Variants in LRRIQ3 observed in about 807,000 individuals in gnomAD.
The protein encoded by LRRIQ3 is leucine-rich repeat and IQ domain-containing protein 3.
A neutral mutation model predicts 59.3 loss-of-function variants in LRRIQ3; 75 were observed. The observed-to-expected ratio is 1.26, with a 90% CI of 1.05 to 1.53. The LOEUF (loss-of-function observed/expected upper bound fraction) is 1.53, where lower values mean the gene tolerates loss of function less well. LRRIQ3 is among the 40% of genes most tolerant of loss of function. LRRIQ3 has a pLI of 0.00. For missense variants in LRRIQ3, 831 were observed against 710.0 expected (o/e 1.17, Z -1.94); for synonymous variants, 250 against 231.3 (o/e 1.08, Z -0.73).
chr1:74,153,786 T>C lies in LRRIQ3; in HGVS notation c.707+1947A>G, dbSNP rs890480420. Among the ~76,000 whole-genome samples the C allele has an allele frequency of 9.9e-5, 15 of 152,034 alleles. No homozygotes were observed. In the South Asian group the frequency reaches 1.2e-3, roughly 13 times the overall value. On this transcript the variant is annotated intron_variant, in intron 4 of 7. Transcript: ENST00000354431. ...ATCCCAAACATTTGTCCTAAACAAA[T>C]AGAAAGCCACTGGAGGACTTTAACT...
intron 6 of LRRIQ3, among the ~76,000 whole-genome samples, chr1:74,043,379 T>A (rs886879612): frequency 2.0e-5 from 3 of 152,118 alleles, no homozygotes; most frequent in Non-Finnish European, 4.4e-5. Context: ...GGGCAGGGCT[T>A]GTAGTCTAGA....
intron 1 of LRRIQ3, among the ~76,000 whole-genome samples, chr1:74,184,505 G>A (rs769277387): frequency 6.6e-5 from 10 of 152,112 alleles, no homozygotes; most frequent in African/African-American, 1.9e-4. Flanking sequence ...TCTACGATGT[G>A]CAGATAAACT....
intron 6 of LRRIQ3, among the ~76,000 whole-genome samples, chr1:74,068,257 C>T (rs1654922427): frequency 6.6e-6 from 1 of 152,164 alleles, no homozygotes; most frequent in African/African-American, 2.4e-5. Flanking sequence ...ACCCTGTAAT[C>T]TCAACAGTTT....
At chr1:74,105,718 T>C (rs925179416) in intron 5 of LRRIQ3, among the ~76,000 whole-genome samples, 2 of 152,014 alleles carry the variant, frequency 1.3e-5, no homozygotes, top group East Asian at 1.9e-4. Context: ...GAGAATTGTA[T>C]ATGAGAACAT....
At chr1:74,044,787 C>G (rs1484593411) in intron 6 of LRRIQ3, among the ~76,000 whole-genome samples, 1 of 151,966 alleles carries the variant, frequency 6.6e-6, no homozygotes, top group Non-Finnish European at 1.5e-5. Flanking sequence ...ATATCACCAC[C>G]GATTCCACAG....
intron 6 of LRRIQ3, among the ~76,000 whole-genome samples, chr1:74,066,447 AT>A (rs1262840376): frequency 1.3e-5 from 2 of 152,052 alleles, no homozygotes; most frequent in East Asian, 1.9e-4. Context: ...CAATAGACAC[AT>A]TTTTTGGTAT....
intron 6 of LRRIQ3, among the ~76,000 whole-genome samples, chr1:74,055,938 A>C (rs1172601483): frequency 6.6e-6 from 1 of 151,960 alleles, no homozygotes; most frequent in Admixed American, 6.6e-5. Flanking sequence ...AGGTCAGGTG[A>C]TCAAGATCAT....
In LRRIQ3 at chr1:74,161,816, T is replaced by C. The variant is rs190802166; in HGVS notation, c.574-5950A>G. Reference sequence around the variant, plus strand: ...AGTAAACTCCAGACAATACTTAAGCTTTCTGATGTCATAAAACAATGATCT... The same window carrying C: ...AGTAAACTCCAGACAATACTTAAGCCTTCTGATGTCATAAAACAATGATCT... On this transcript the variant is annotated intron_variant, in intron 3 of 7. Coordinates refer to ENST00000354431, the MANE Select transcript of LRRIQ3 (RefSeq NM_001105659.2). Among the ~76,000 whole-genome samples the C allele has an allele frequency of 6.8e-3, 1,027 of 151,994 alleles. 5 individuals are homozygous for C. The highest frequency in any genetic ancestry group is 0.012 in the Non-Finnish European group (793 of 67,908).
intron 4 of LRRIQ3, among the ~76,000 whole-genome samples, chr1:74,115,167 T>A (rs1284655401): frequency 6.6e-6 from 1 of 152,258 alleles, no homozygotes; most frequent in East Asian, 1.9e-4. Context: ...CACTCTTTCA[T>A]GAATTGCTCA....
chr1:74,194,884 C>G (rs549060268), intron 1 of LRRIQ3, among the ~76,000 whole-genome samples: 2 of 152,130 alleles, frequency 1.3e-5, no homozygotes, highest in African/African-American at 4.8e-5. Context: ...ATTCTTGACT[C>G]TACTAATTTA....
At chr1:74,150,851 A>G (rs1647887692) in intron 4 of LRRIQ3, among the ~76,000 whole-genome samples, 1 of 152,084 alleles carries the variant, frequency 6.6e-6, no homozygotes, top group Non-Finnish European at 1.5e-5. Context: ...TTATATATCC[A>G]AGTTCCCCTA....
chr1:74,065,334 TC>T (rs1654837022), intron 6 of LRRIQ3, among the ~76,000 whole-genome samples: 1 of 152,100 alleles, frequency 6.6e-6, no homozygotes, highest in African/African-American at 2.4e-5. Context: ...AGGAACAGTC[TC>T]CCCTTGTTTT....
At chr1:74,068,733 GTA>G (rs1023115383) in intron 6 of LRRIQ3, among the ~76,000 whole-genome samples, 1 of 151,886 alleles carries the variant, frequency 6.6e-6, no homozygotes, top group Non-Finnish European at 1.5e-5. Flanking sequence ...ATATGCATGA[GTA>G]TGCCTTAATT....
At chr1:74,155,095 C>T (rs1005114528) in intron 4 of LRRIQ3, among the ~76,000 whole-genome samples, 24 of 152,176 alleles carry the variant, frequency 1.6e-4, no homozygotes, top group Non-Finnish European at 2.2e-4. Context: ...TCCAGATCTA[C>T]GTCAATCCTA....
chr1:74,049,970 C>G (rs1320539551), intron 6 of LRRIQ3, among the ~76,000 whole-genome samples: 1 of 146,954 alleles, frequency 6.8e-6, no homozygotes, highest in Non-Finnish European at 1.5e-5. Flanking sequence ...GTTGCCCAGG[C>G]TAGAGTGCAA....
At chr1:74,109,180 A>G (rs138378922) in intron 5 of LRRIQ3, 1 of 351,190 alleles carries the variant, frequency 2.8e-6, no homozygotes, top group Admixed American at 4.4e-5. Context: ...AAATTATTAA[A>G]TGGTTGTGGT....
intron 5 of LRRIQ3, among the ~76,000 whole-genome samples, chr1:74,100,156 C>T (rs570773822): frequency 2.6e-5 from 4 of 152,134 alleles, no homozygotes; most frequent in African/African-American, 7.2e-5. Flanking sequence ...ATCTAGAAAA[C>T]CCCATCGTCT....
At chr1:74,139,311 G>C (rs544090768) in intron 4 of LRRIQ3, among the ~76,000 whole-genome samples, 1 of 150,364 alleles carries the variant, frequency 6.7e-6, no homozygotes, top group East Asian at 2.0e-4. Context: ...AGGGAGGGAG[G>C]GAAGGAAAAA....
chr1:74,083,022 T>C (rs1465019409), intron 5 of LRRIQ3: 1 of 151,700 alleles, frequency 6.6e-6, no homozygotes, highest in Non-Finnish European at 1.5e-5. Context: ...ATGTTTCTTC[T>C]CCGCCAAATG....
Sources: gnomAD v4.1 joint callset for allele counts (sites outside exome capture counted in the v4.1 genomes callset) on GRCh38, gnomAD v4.1.1 for gene constraint, MANE v1.5 for transcripts, NCBI Gene and HGNC (gene_info 2026-07-23, HGNC 2026-07-21) for gene names.